The following ERG variants were observed in gnomAD, a reference collection of about 807,000 sequenced individuals.
ERG encodes the protein transcriptional regulator ERG.
ERG carries 9 observed loss-of-function variants against 55.3 expected under a neutral mutation model. The ratio of observed to expected loss-of-function variants is 0.16; its 90% CI spans 0.10 to 0.28. The LOEUF is 0.28. ERG is among the 10% of genes least tolerant of loss of function. The pLI is 1.00. For synonymous variants in ERG, 223 were observed against 237.3 expected, an observed-to-expected ratio of 0.94 and a Z score of 0.55; for missense variants, 434 against 631.6, an observed-to-expected ratio of 0.69 and a Z score of 3.35.
At chr21:38,446,181 C>CA (rs1156613724) in intron 1 of ERG, among the ~76,000 whole-genome samples, 2 of 116,522 alleles carry the variant, frequency 1.7e-5, no homozygotes, top group African/African-American at 6.8e-5. Flanking sequence ...AGTACAGTTT[C>CA]AAGTGGTGCT....
At chr21:38,575,853 C>A in intron 1 of ERG, 1 of 845,728 alleles carries the variant, frequency 1.2e-6, no homozygotes, top group East Asian at 2.6e-5. Context: ...AGAATCATAG[C>A]TTTACATTAA....
intron 1 of ERG, among the ~76,000 whole-genome samples, chr21:38,644,623 A>C (rs766812392): frequency 3.9e-5 from 6 of 152,240 alleles, no homozygotes; most frequent in Non-Finnish European, 7.3e-5. Context: ...AGGAAGAACT[A>C]ACTTAGGCTG....
At chr21:38,565,139 C>T (rs1342643656) in intron 2 of ERG, among the ~76,000 whole-genome samples, 1 of 152,146 alleles carries the variant, frequency 6.6e-6, no homozygotes, top group African/African-American at 2.4e-5. Context: ...ATATCTAATC[C>T]ATCAGCAAAT....
intron 1 of ERG, among the ~76,000 whole-genome samples, chr21:38,469,561 G>T (rs2059122259): frequency 6.6e-6 from 1 of 152,096 alleles, no homozygotes; most frequent in Non-Finnish European, 1.5e-5. Flanking sequence ...ACTGCTTTGG[G>T]CTATTCTCCT....
chr21:38,567,000 T>C (rs1025746831), intron 2 of ERG, among the ~76,000 whole-genome samples: 1 of 152,180 alleles, frequency 6.6e-6, no homozygotes, highest in Non-Finnish European at 1.5e-5. Flanking sequence ...AAACCCCTCT[T>C]ACACTTCCTG....
At chr21:38,430,685 GAAC>G (rs951156771) in intron 2 of ERG, among the ~76,000 whole-genome samples, 1 of 152,160 alleles carries the variant, frequency 6.6e-6, no homozygotes, top group Non-Finnish European at 1.5e-5. Flanking sequence ...AGAAAGAACT[GAAC>G]AATAGCCCAA....
chr21:38,597,872 T>A (rs2060141689), intron 1 of ERG, among the ~76,000 whole-genome samples: 1 of 152,218 alleles, frequency 6.6e-6, no homozygotes, highest in Non-Finnish European at 1.5e-5. Flanking sequence ...TATAAAATCA[T>A]ATAATTTAGA....
chr21:38,390,922 A>G (rs1987939979), intron 9 of ERG, 73 bp downstream of exon 9: 1 of 1,202,730 alleles, frequency 8.3e-7, no homozygotes, highest in African/African-American at 1.5e-5. Flanking sequence ...TCTCACCAAT[A>G]CCAATTTACT....
At chr21:38,463,889 C>T (rs2059065560) in intron 1 of ERG, among the ~76,000 whole-genome samples, 1 of 152,156 alleles carries the variant, frequency 6.6e-6, no homozygotes, top group Non-Finnish European at 1.5e-5. Flanking sequence ...TTCCCACTTC[C>T]CGTATCCCCT....
chr21:38,450,788 T>C (rs986365029), intron 1 of ERG: 4 of 409,758 alleles, frequency 9.8e-6, no homozygotes, highest in African/African-American at 8.2e-5. Context: ...TCAGGCAGCA[T>C]TTCTTCTTCT....
At chr21:38,654,324 T>C (rs11911171) in intron 1 of ERG, among the ~76,000 whole-genome samples, 16,395 of 152,148 alleles carry the variant, frequency 0.11, 2,350 homozygotes, top group African/African-American at 0.33. Flanking sequence ...CTACAAAAAT[T>C]ACCCAGGCCT....
chr21:38,448,351 A>G (rs527484172), intron 1 of ERG, among the ~76,000 whole-genome samples: 2 of 152,186 alleles, frequency 1.3e-5, no homozygotes. Context: ...TATAATTCAG[A>G]ATATTGAAAG....
Position 38,533,235 on chromosome 21 carries a change from A to G in ERG, c.-41+42427T>C, listed in dbSNP as rs2059685216. ...AGCACCAGCTGACCTCTGATGCACA[A>G]CCCAGTGTTCTTACCATAGAATTCC... is the stretch of plus-strand genomic sequence containing the variant. On this transcript the variant is annotated intron_variant, in intron 2 of 8. Transcript: ENST00000398897. Among the ~76,000 whole-genome samples, 2 of 152,206 alleles carry G rather than the reference A, an allele frequency of 1.3e-5. 1 individual carries two copies. The highest frequency in any genetic ancestry group is 4.1e-4 in the South Asian group (2 of 4,836).
chr21:38,375,148 C>T (rs137884545), downstream of ERG, among the ~76,000 whole-genome samples: 3 of 152,248 alleles, frequency 2.0e-5, no homozygotes, highest in African/African-American at 7.2e-5. Flanking sequence ...AGGCTGAGTA[C>T]TTGTTAAGAT....
intron 2 of ERG, among the ~76,000 whole-genome samples, chr21:38,567,149 C>T (rs185972578): frequency 1.4e-4 from 21 of 152,208 alleles, no homozygotes; most frequent in Non-Finnish European, 4.4e-5. Context: ...TGCTGAACAC[C>T]GTTCCAAAGG....
At chr21:38,434,517 TC>T (rs1990368172) in intron 2 of ERG, among the ~76,000 whole-genome samples, 1 of 152,228 alleles carries the variant, frequency 6.6e-6, no homozygotes, top group Admixed American at 6.5e-5. Context: ...CTCTGTATTT[TC>T]TCAGTAAGTG....
At chr21:38,572,760 T>C (rs1275027543) in intron 2 of ERG, among the ~76,000 whole-genome samples, 1 of 152,294 alleles carries the variant, frequency 6.6e-6, no homozygotes, top group East Asian at 1.9e-4. Context: ...TCAGTTATGA[T>C]TTCTCAAAAT....
chr21:38,427,037 C>A (rs996465356), intron 2 of ERG, among the ~76,000 whole-genome samples: 5 of 152,116 alleles, frequency 3.3e-5, no homozygotes, highest in Admixed American at 2.6e-4. Context: ...TTTTCATATC[C>A]GAGGACAAGA....
intron 1 of ERG, among the ~76,000 whole-genome samples, chr21:38,652,546 C>T (rs1047647449): frequency 5.9e-5 from 9 of 152,252 alleles, no homozygotes; most frequent in Non-Finnish European, 1.0e-4. Context: ...TGCAATGGCC[C>T]GCCAGGCAGG....
Sources: allele counts gnomAD v4.1 joint callset (sites outside exome capture counted in the v4.1 genomes callset), GRCh38; gene constraint gnomAD v4.1.1; transcripts MANE v1.5; gene names NCBI Gene and HGNC (gene_info 2026-07-23, HGNC 2026-07-21).